Variants in HHIPL1 observed in about 807,000 individuals in gnomAD.
HHIPL1 encodes HHIP like 1, also known as HHIP-like protein 1.
A neutral mutation model predicts 61.8 loss-of-function variants in HHIPL1; 43 were observed. The observed-to-expected ratio is 0.70, with a 90% CI of 0.55 to 0.90. The LOEUF (loss-of-function observed/expected upper bound fraction) is 0.90. HHIPL1 is among the 40% of genes least tolerant of loss of function. HHIPL1 has a pLI of 0.00. For synonymous variants in HHIPL1, 482 were observed against 515.8 expected (o/e 0.93, Z 0.89); for missense variants, 1,056 against 1,157.7 (o/e 0.91, Z 1.28).
the HHIPL1 span, among the ~76,000 whole-genome samples, chr14:99,621,205 C>T: frequency 6.6e-5 from 10 of 152,288 alleles, no homozygotes; most frequent in South Asian, 1.9e-3. Context: ...CTCAAACCAA[C>T]CTCCCACCTC....
the HHIPL1 span, among the ~76,000 whole-genome samples, chr14:99,626,267 G>GT: frequency 0.1 from 15,397 of 147,456 alleles, 798 homozygotes; most frequent in Non-Finnish European, 0.12. Context: ...GGTGTAGCGG[G>GT]GTGTGTGTGT....
At chr14:99,672,889 A>G (rs903116856) in intron 8 of HHIPL1, among the ~76,000 whole-genome samples, 1 of 152,156 alleles carries the variant, frequency 6.6e-6, no homozygotes, top group Non-Finnish European at 1.5e-5. Context: ...TTAGGTGGGA[A>G]CAAAGACCCT....
the HHIPL1 span, among the ~76,000 whole-genome samples, chr14:99,630,267 AC>A: frequency 6.6e-6 from 1 of 152,212 alleles, no homozygotes; most frequent in African/African-American, 2.4e-5. Flanking sequence ...CCCATCGCAC[AC>A]CGGGCAGGCG....
intron 2 of HHIPL1, among the ~76,000 whole-genome samples, chr14:99,653,237 G>A (rs530654032): frequency 5.3e-4 from 81 of 152,310 alleles, no homozygotes; most frequent in Non-Finnish European, 9.3e-4. Flanking sequence ...GGTCACACGG[G>A]GAGGGAGGGT....
Position 99,675,597 on chromosome 14 carries a change from G to T in HHIPL1, c.2320G>T (p.Val774Leu). 1 of 1,529,246 alleles carries T rather than the reference G, an allele frequency of 6.5e-7. No individual in the cohort carries two copies. The highest frequency in any genetic ancestry group is 1.4e-5 in the African/African-American group (1 of 72,798). The allele number at this position is 1,529,246 out of a possible 1,614,324, so 94.7% of individuals were successfully genotyped here. The part of the protein sequence containing the change: ...NCEHDEDAGV[V>L]CSHQNPDL The stretch of plus-strand genomic sequence containing the variant: ...CGAGCACGACGAGGATGCGGGCGTC[G>T]TGTGCAGCCACCAGAACCCCGACCT... Residue 774 changes from valine to leucine, a missense_variant, in exon 9 of 9, where the codon GTG becomes TTG. Transcript: ENST00000330710. The surrounding 1 kb of genome is among the most constrained non-coding windows in gnomAD (Gnocchi z 5.4).
Position 99,668,807 on chromosome 14 carries a change from T to A in HHIPL1, c.1730+504T>A. ...ACACATTGGGGCTCCCTTCGCCGGC[T>A]CCATCTCCCCGGCTTCCCTTCTAGC... On this transcript the variant is annotated intron_variant, in intron 7 of 8. Transcript: ENST00000330710. The surrounding 1 kb of genome is among the most constrained non-coding windows in gnomAD (Gnocchi z 4.7). 1 of 1,611,988 alleles carries A rather than the reference T, an allele frequency of 6.2e-7. No homozygotes were observed.
chr14:99,671,831 G>A (rs1303603791), intron 7 of HHIPL1, among the ~76,000 whole-genome samples: 1 of 152,142 alleles, frequency 6.6e-6, no homozygotes, highest in Non-Finnish European at 1.5e-5. Context: ...CCTTTAGGTG[G>A]TTCCAGGCAG....
At chr14:99,671,751 AG>A (rs1374086445) in intron 7 of HHIPL1, among the ~76,000 whole-genome samples, 1 of 152,122 alleles carries the variant, frequency 6.6e-6, no homozygotes, top group Non-Finnish European at 1.5e-5. Flanking sequence ...CCACATGCCA[AG>A]GCCCCAAATC....
the HHIPL1 span, among the ~76,000 whole-genome samples, chr14:99,605,024 G>A: frequency 6.6e-6 from 1 of 152,156 alleles, no homozygotes; most frequent in Admixed American, 6.5e-5. Flanking sequence ...GGCCTTGCCA[G>A]CCGCGTCCCG....
At chr14:99,647,814 G>A (rs2055866268) in intron 1 of HHIPL1, among the ~76,000 whole-genome samples, 1 of 152,136 alleles carries the variant, frequency 6.6e-6, no homozygotes, top group African/African-American at 2.4e-5. Flanking sequence ...CACCTGCTTT[G>A]GGGGGATGGG....
At chr14:99,635,169 T>A in the HHIPL1 span, among the ~76,000 whole-genome samples, 12 of 152,122 alleles carry the variant, frequency 7.9e-5, no homozygotes, top group East Asian at 1.4e-3. Context: ...AGGGAGGAAG[T>A]ATCCCTGAGG....
the HHIPL1 span, among the ~76,000 whole-genome samples, chr14:99,626,654 T>C: frequency 2.0e-5 from 3 of 152,212 alleles, no homozygotes; most frequent in African/African-American, 7.2e-5. Flanking sequence ...GTAATTTCTT[T>C]CTGCTCTCTG....
intron 2 of HHIPL1, 31 bp downstream of exon 2, chr14:99,652,901 G>T (rs3825570): frequency 0.2 from 326,816 of 1,596,420 alleles, 34,378 homozygotes; most frequent in East Asian, 0.3. Context: ...GGGCCTGGGT[G>T]GGGGCAGGCA....
the HHIPL1 span, among the ~76,000 whole-genome samples, chr14:99,631,227 AG>A: frequency 6.6e-6 from 1 of 151,484 alleles, no homozygotes; most frequent in Non-Finnish European, 1.5e-5. Context: ...CCCCCAGAGT[AG>A]CTGGATTACA....
chr14:99,648,680 T>TCC (rs141142799), intron 1 of HHIPL1, among the ~76,000 whole-genome samples: 145 of 152,230 alleles, frequency 9.5e-4, no homozygotes, highest in African/African-American at 3.4e-3. Flanking sequence ...ATTGGGAGCA[T>TCC]CCATAAGGGC....
At chr14:99,669,795 C>T (rs952149984) in intron 7 of HHIPL1, among the ~76,000 whole-genome samples, 2 of 152,180 alleles carry the variant, frequency 1.3e-5, no homozygotes, top group Non-Finnish European at 2.9e-5. Context: ...TGTGCTGGCG[C>T]ACATCTATAG....
intron 6 of HHIPL1, among the ~76,000 whole-genome samples, chr14:99,667,764 A>G (rs2056269482): frequency 6.6e-6 from 1 of 152,200 alleles, no homozygotes; most frequent in Admixed American, 6.5e-5. Context: ...TAACAGCCCA[A>G]TGAGGCATGC....
the HHIPL1 span, among the ~76,000 whole-genome samples, chr14:99,639,420 C>T: frequency 2.0e-5 from 3 of 152,126 alleles, no homozygotes; most frequent in Non-Finnish European, 2.9e-5. Flanking sequence ...TCATGGCTCA[C>T]TGCAGCGTCG....
At chr14:99,658,295 G>A (rs1252659161) in intron 3 of HHIPL1, among the ~76,000 whole-genome samples, 2 of 152,154 alleles carry the variant, frequency 1.3e-5, no homozygotes, top group Non-Finnish European at 2.9e-5. Flanking sequence ...CTTAGATATC[G>A]AATCCTGGCA....
Sources: gnomAD v4.1 joint callset for allele counts (sites outside exome capture counted in the v4.1 genomes callset) on GRCh38, gnomAD v4.1.1 for gene constraint, Gnocchi (gnomAD v3.1) non-coding constraint, MANE v1.5 for transcripts, NCBI Gene and HGNC (gene_info 2026-07-23, HGNC 2026-07-21) for gene names.